Variants in LNX1 observed in about 807,000 individuals in gnomAD.
LNX1 encodes the protein ligand of numb-protein X 1.
LNX1 carries 54 observed loss-of-function variants against 68.4 expected under a neutral mutation model. That is an observed-to-expected ratio of 0.79 (90% CI 0.63 to 0.99). The LOEUF (loss-of-function observed/expected upper bound fraction) is 0.99, where lower values mean the gene tolerates loss of function less well. Among genes scored for constraint, LNX1 ranks in the 50% least tolerant of loss-of-function variants. The probability of loss-of-function intolerance (pLI) is 0.00; values close to 1 mark genes in which losing one functional copy is unlikely to be tolerated. For synonymous variants in LNX1, 336 were observed against 350.0 expected (o/e 0.96, Z 0.45); for missense variants, 906 against 926.4 (o/e 0.98, Z 0.29).
chr4:53,462,473 G>T (rs1579339139), intron 9 of LNX1, among the ~76,000 whole-genome samples: 1 of 151,972 alleles, frequency 6.6e-6, no homozygotes, highest in East Asian at 1.9e-4. Flanking sequence ...AAGGAAATTG[G>T]CATTTTCATG....
At chr4:53,643,358 C>A (rs1734761290) in intron 1 of LNX1, among the ~76,000 whole-genome samples, 1 of 152,064 alleles carries the variant, frequency 6.6e-6, no homozygotes, top group African/African-American at 2.4e-5. Flanking sequence ...CTCTGTTGCC[C>A]AGGCTGATCT....
chr4:53,500,698 A>C (rs1443105801), intron 4 of LNX1, among the ~76,000 whole-genome samples: 2 of 152,240 alleles, frequency 1.3e-5, no homozygotes, highest in Non-Finnish European at 2.9e-5. Context: ...AAGTGACTGC[A>C]TAAGGCAGGG....
chr4:53,619,745 G>A (rs933651544), upstream of LNX1, among the ~76,000 whole-genome samples: 2 of 152,164 alleles, frequency 1.3e-5, no homozygotes, highest in African/African-American at 4.8e-5. Flanking sequence ...AATGTGCTGG[G>A]TTACATGGTA....
intron 1 of LNX1, among the ~76,000 whole-genome samples, chr4:53,633,667 G>A (rs1028445701): frequency 2.6e-5 from 4 of 152,092 alleles, no homozygotes; most frequent in African/African-American, 9.7e-5. Flanking sequence ...TTTTCCTCAC[G>A]AGATGAAAAT....
chr4:53,630,927 C>A (rs983384430), intron 1 of LNX1, among the ~76,000 whole-genome samples: 8 of 152,280 alleles, frequency 5.3e-5, no homozygotes, highest in Non-Finnish European at 1.0e-4. Flanking sequence ...TAGGATAGGG[C>A]ATGGGAACCA....
chr4:53,644,891 G>A (rs1477569379), intron 1 of LNX1, among the ~76,000 whole-genome samples: 2 of 152,170 alleles, frequency 1.3e-5, no homozygotes. Context: ...GAGGAAGTCT[G>A]GGTAAGGATT....
intron 6 of LNX1, among the ~76,000 whole-genome samples, chr4:53,489,882 T>C (rs761967070): frequency 6.6e-6 from 1 of 152,130 alleles, no homozygotes; most frequent in South Asian, 2.1e-4. Flanking sequence ...AGATTAAGTG[T>C]ACTGATCTGT....
upstream of LNX1, among the ~76,000 whole-genome samples, chr4:53,619,596 T>C (rs1301557100): frequency 6.6e-6 from 1 of 152,162 alleles, no homozygotes; most frequent in African/African-American, 2.4e-5. Flanking sequence ...ACAGCACATG[T>C]TGTTTAGCTG....
In LNX1 at chr4:53,526,384, T is replaced by A. The variant is rs114154411; in HGVS notation, c.381-18157A>T. 4.9e-3 allele frequency among the ~76,000 whole-genome samples: 747 copies of A among 152,252 alleles called. 7 individuals carry two copies. Among genetic ancestry groups the A allele is most frequent in the African/African-American group, 0.017 (704 of 41,540 alleles). On this transcript the variant is annotated intron_variant, in intron 2 of 10. Coordinates refer to ENST00000263925, the MANE Select transcript of LNX1 (RefSeq NM_001126328.3). ...TTCTCATGTCTGAATTACCAACTGA[T>A]CAAACCACCAAACCCTGGCACAAAA...
At chr4:53,498,912 A>T in intron 4 of LNX1, 69 bp from the exon 5 acceptor site, 1 of 1,165,530 alleles carries the variant, frequency 8.6e-7, no homozygotes, top group South Asian at 1.2e-5. Flanking sequence ...TCTTCTTGCC[A>T]AACTTCAGTG....
At chr4:53,539,948 G>T (rs780509537) in intron 2 of LNX1, among the ~76,000 whole-genome samples, 9 of 152,314 alleles carry the variant, frequency 5.9e-5, no homozygotes, top group Middle Eastern at 3.4e-3. Context: ...AGGTTGACTT[G>T]GCCATGTGGT....
Position 53,536,993 on chromosome 4 carries a change from G to A in LNX1, c.381-28766C>T, listed in dbSNP as rs111483194. Among the ~76,000 whole-genome samples the A allele has an allele frequency of 4.5e-3, 688 of 152,218 alleles. 13 individuals are homozygous for A. The highest frequency in any genetic ancestry group is 0.016 in the African/African-American group (657 of 41,528). On this transcript the variant is annotated intron_variant, in intron 2 of 10. Transcript: ENST00000263925. ...AACAGTGATGATTTCTAATTACTTA[G>A]GAAAATCTACCTTTTTGTTTACTGC...
chr4:53,646,086 C>T (rs1734874500), intron 1 of LNX1, among the ~76,000 whole-genome samples: 1 of 152,142 alleles, frequency 6.6e-6, no homozygotes, highest in Admixed American at 6.5e-5. Context: ...AATCTGATGC[C>T]CAACTATACC....
chr4:53,625,844 CGT>C (rs59366709), intron 1 of LNX1, among the ~76,000 whole-genome samples: 4,942 of 144,128 alleles, frequency 0.034, 86 homozygotes, highest in African/African-American at 0.056. Context: ...AATTCCACCC[CGT>C]GTGTGTGTGT....
Position 53,632,635 on chromosome 4 carries a change from T to G in LNX1, c.-215+19533A>C, listed in dbSNP as rs1167992667. The stretch of plus-strand genomic sequence containing the variant: ...TGGAATTTTCCCTGCTCTATCTTGC[T>G]GCCCTCCTGCTAAGAACACTTCCCT... On this transcript the variant is annotated intron_variant, in intron 1 of 2. Transcript: ENST00000507168. Among the ~76,000 whole-genome samples the G allele has an allele frequency of 2.6e-5, 4 of 152,200 alleles. No homozygotes were observed. The South Asian group carries it at 8.3e-4, about 32-fold the overall frequency.
chr4:53,498,612 TGCTGCA>T, intron 5 of LNX1, 23 bp downstream of exon 5: 3 of 1,576,578 alleles, frequency 1.9e-6, no homozygotes, highest in Non-Finnish European at 2.6e-6. Context: ...TCAAGCCCCT[TGCTGCA>T]GCCCCACAGC....
chr4:53,491,798 T>C (rs1255160340), intron 6 of LNX1, among the ~76,000 whole-genome samples: 1 of 86,704 alleles, frequency 1.2e-5, no homozygotes, highest in African/African-American at 2.9e-5. Context: ...GATACTTTTT[T>C]TTGTTTGTTT....
At chr4:53,593,751 A>C (rs1732620962), upstream of LNX1, 1 of 152,220 alleles carries the variant, frequency 6.6e-6, no homozygotes, top group Admixed American at 6.5e-5. Context: ...GTAATCATAA[A>C]AATGAACATT....
intron 9 of LNX1, among the ~76,000 whole-genome samples, chr4:53,473,115 A>T (rs185980047): frequency 2.0e-5 from 3 of 152,226 alleles, no homozygotes; most frequent in African/African-American, 7.2e-5. Flanking sequence ...AAGAAAATTG[A>T]TAACCAACCA....
Sources: allele counts gnomAD v4.1 joint callset (sites outside exome capture counted in the v4.1 genomes callset), GRCh38; gene constraint gnomAD v4.1.1; transcripts MANE v1.5; gene names NCBI Gene and HGNC (gene_info 2026-07-23, HGNC 2026-07-21).